The following LAMC1 variants were observed in gnomAD, a reference collection of about 807,000 sequenced individuals.
The protein encoded by LAMC1 is laminin subunit gamma 1.
A neutral mutation model predicts 173.6 loss-of-function variants in LAMC1; 38 were observed. The ratio of observed to expected loss-of-function variants is 0.22; its 90% confidence interval spans 0.17 to 0.29. The LOEUF (loss-of-function observed/expected upper bound fraction) is 0.29, where lower values mean the gene tolerates loss of function less well. Among genes scored for constraint, LAMC1 ranks in the 10% least tolerant of loss-of-function variants. LAMC1 has a pLI of 1.00. For missense variants in LAMC1, 1,824 were observed against 2,051.8 expected (o/e 0.89, Z 2.14); for synonymous variants, 746 against 749.1 (o/e 1.00, Z 0.07).
intron 27 of LAMC1, among the ~76,000 whole-genome samples, chr1:183,141,498 G>A (rs1663825010): frequency 6.6e-6 from 1 of 152,172 alleles, no homozygotes; most frequent in Non-Finnish European, 1.5e-5. Context: ...AGGGTGTTAG[G>A]GAGCAGGCTT....
In LAMC1 at chr1:183,116,637, T is replaced by C. The variant is rs772953136; in HGVS notation, c.1389T>C (p.Cys463=). Residue 463 remains cysteine, a synonymous_variant, in exon 7 of 28, where the codon TGT becomes TGC. Transcript: ENST00000258341. ...AATGTAATATTGAAACAGGAAGATG[T>C]GTTTGCAAAGACAATGTCGAAGGCT... The part of the protein sequence containing the change: ...IDECNIETGR[C]VCKDNVEGFN... The C allele has an allele frequency of 1.9e-6, 3 of 1,613,662 alleles. No homozygotes were observed. Among genetic ancestry groups the C allele is most frequent in the Admixed American group, 3.3e-5 (2 of 60,020 alleles).
chr1:183,053,788 G>A (rs1362131462), intron 1 of LAMC1, among the ~76,000 whole-genome samples: 2 of 151,996 alleles, frequency 1.3e-5, no homozygotes, highest in African/African-American at 4.8e-5. Flanking sequence ...ATCATGCCTG[G>A]CTAATTTTTT....
intron 1 of LAMC1, among the ~76,000 whole-genome samples, chr1:183,044,601 G>A (rs1654217902): frequency 6.6e-6 from 1 of 152,062 alleles, no homozygotes; most frequent in African/African-American, 2.4e-5. Context: ...CCATGGCTTT[G>A]GAAGGGTGTT....
At chr1:183,130,640 T>C in intron 19 of LAMC1, 91 bp downstream of exon 19, 1 of 927,794 alleles carries the variant, frequency 1.1e-6, no homozygotes, top group Non-Finnish European at 1.7e-6. Flanking sequence ...CTTCTTCAAC[T>C]AAATTGACTC....
chr1:183,048,616 ATAGT>A (rs1654329536), intron 1 of LAMC1, among the ~76,000 whole-genome samples: 1 of 152,156 alleles, frequency 6.6e-6, no homozygotes, highest in Non-Finnish European at 1.5e-5. Flanking sequence ...GCTTTATGTT[ATAGT>A]TAGAGCTACA....
chr1:183,087,685 G>C (rs1391448506), intron 1 of LAMC1, among the ~76,000 whole-genome samples: 2 of 152,048 alleles, frequency 1.3e-5, no homozygotes, highest in Admixed American at 1.3e-4. Flanking sequence ...TAGGGGATCT[G>C]TTCCTAAGTT....
chr1:183,105,291 T>C (rs773038561), intron 2 of LAMC1, among the ~76,000 whole-genome samples: 25 of 147,432 alleles, frequency 1.7e-4, no homozygotes, highest in Non-Finnish European at 3.4e-4. Flanking sequence ...GAATGCCCAG[T>C]GGAGAGGTGA....
At chr1:183,069,871 C>T (rs149402249) in intron 1 of LAMC1, among the ~76,000 whole-genome samples, 4 of 152,262 alleles carry the variant, frequency 2.6e-5, no homozygotes, top group African/African-American at 4.8e-5. Context: ...ACCAGTGGAC[C>T]ATCATTGAAG....
chr1:183,070,471 T>G (rs1296279491), intron 1 of LAMC1, among the ~76,000 whole-genome samples: 1 of 152,136 alleles, frequency 6.6e-6, no homozygotes, highest in African/African-American at 2.4e-5. Flanking sequence ...ACTTCCAGTT[T>G]TGTGGGTGAT....
At position 183,099,094 on chromosome 1, in the gene LAMC1, G is replaced by A. The variant is rs930951399; in HGVS notation, c.419-4234G>A. On this transcript the variant is annotated intron_variant, in intron 1 of 27. Coordinates refer to ENST00000258341, the MANE Select transcript of LAMC1 (RefSeq NM_002293.4). ...GTCTATTCTCAATTCCTTTGTTTTTGTTGTTTTTTTTTGAAAGGGAGTCTC... is the reference window on the plus strand; with the variant it reads ...GTCTATTCTCAATTCCTTTGTTTTTATTGTTTTTTTTTGAAAGGGAGTCTC... Among the ~76,000 whole-genome samples, 12 of 151,622 alleles carry A rather than the reference G, an allele frequency of 7.9e-5. 1 individual carries two copies. The highest frequency in any genetic ancestry group is 1.5e-4 in the African/African-American group (6 of 41,252).
chr1:183,034,506 C>T (rs1008931946), intron 1 of LAMC1, among the ~76,000 whole-genome samples: 2 of 151,958 alleles, frequency 1.3e-5, no homozygotes, highest in Admixed American at 6.6e-5. Flanking sequence ...CTCCTGACCT[C>T]GTGATCTGCC....
intron 1 of LAMC1, among the ~76,000 whole-genome samples, chr1:183,077,854 G>A (rs1655160974): frequency 6.7e-6 from 1 of 148,472 alleles, no homozygotes; most frequent in South Asian, 2.2e-4. Flanking sequence ...TTGGTTCCAC[G>A]ATTTTGCGAT....
At position 183,029,084 on chromosome 1, in the gene LAMC1, C is replaced by T. The variant is rs562085761; in HGVS notation, c.418+4950C>T. On this transcript the variant is annotated intron_variant, in intron 1 of 27. Coordinates refer to ENST00000258341, the MANE Select transcript of LAMC1 (RefSeq NM_002293.4). ...TCTCTCCTGAAAGAACCATGCTTGA[C>T]AGGCTTCATGAGTAAAGACTACTCT... Among the ~76,000 whole-genome samples, 6 of 152,348 alleles carry T rather than the reference C, an allele frequency of 3.9e-5. No individual in the cohort carries two copies. The South Asian group carries it at 1.2e-3, about 32-fold the overall frequency.
intron 1 of LAMC1, among the ~76,000 whole-genome samples, chr1:183,062,884 G>A (rs1013404313): frequency 5.3e-5 from 8 of 152,086 alleles, no homozygotes; most frequent in African/African-American, 1.9e-4. Flanking sequence ...AACCCAGGAG[G>A]CAGAGTTGCA....
chr1:183,132,301 TAA>T, intron 20 of LAMC1, 97 bp from the exon 21 acceptor site: 1 of 743,582 alleles, frequency 1.3e-6, no homozygotes, highest in Non-Finnish European at 2.1e-6. Context: ...CAAATAATAA[TAA>T]TAATAATAAT....
intron 4 of LAMC1, among the ~76,000 whole-genome samples, chr1:183,112,811 TG>T (rs1656198571): frequency 1.3e-5 from 2 of 152,170 alleles, no homozygotes; most frequent in Admixed American, 1.3e-4. Flanking sequence ...TAATTTTTGG[TG>T]GCAATAACTC....
chr1:183,057,120 G>T (rs1415041140), intron 1 of LAMC1, among the ~76,000 whole-genome samples: 2 of 152,184 alleles, frequency 1.3e-5, no homozygotes, highest in Non-Finnish European at 2.9e-5. Flanking sequence ...TGAGATTCTT[G>T]AGCTTTCTAA....
intron 26 of LAMC1, among the ~76,000 whole-genome samples, chr1:183,139,897 G>T (rs182784730): frequency 1.5e-4 from 23 of 152,144 alleles, no homozygotes; most frequent in African/African-American, 5.1e-4. Context: ...ATTGCATGTG[G>T]AGGGGGAGTT....
intron 16 of LAMC1, 29 bp from the exon 17 acceptor site, chr1:183,127,197 T>C (rs745850046): frequency 5.6e-6 from 9 of 1,599,758 alleles, no homozygotes; most frequent in Non-Finnish European, 7.7e-6. Flanking sequence ...CTTTTGCTAA[T>C]TATGTATTAT....
Sources: allele counts gnomAD v4.1 joint callset (sites outside exome capture counted in the v4.1 genomes callset), GRCh38; gene constraint gnomAD v4.1.1; transcripts MANE v1.5; gene names NCBI Gene and HGNC (gene_info 2026-07-23, HGNC 2026-07-21).